Variants in BCAR3 observed in about 807,000 individuals in gnomAD.
BCAR3 encodes the protein breast cancer anti-estrogen resistance protein 3.
A neutral mutation model predicts 80.1 loss-of-function variants in BCAR3; 37 were observed. The observed-to-expected ratio is 0.46, with a 90% CI of 0.36 to 0.61. The LOEUF is 0.61. Ranked by LOEUF, BCAR3 falls within the 20% of genes least tolerant of loss-of-function variation. The pLI is 0.00. For synonymous variants in BCAR3, 389 were observed against 418.9 expected (o/e 0.93, Z 0.87); for missense variants, 978 against 1,068.2 (o/e 0.92, Z 1.18).
intron 2 of BCAR3, among the ~76,000 whole-genome samples, chr1:93,781,620 C>T (rs902930598): frequency 2.6e-5 from 4 of 152,128 alleles, no homozygotes; most frequent in Non-Finnish European, 4.4e-5. Context: ...TGCCTGAGGT[C>T]GCACAACTAG....
At chr1:93,630,781 G>A (rs1675596014) in intron 3 of BCAR3, among the ~76,000 whole-genome samples, 1 of 152,138 alleles carries the variant, frequency 6.6e-6, no homozygotes, top group Non-Finnish European at 1.5e-5. Context: ...CCATATAGCT[G>A]GTATTTACTG....
intron 2 of BCAR3, among the ~76,000 whole-genome samples, chr1:93,670,819 A>G (rs1648165697): frequency 6.6e-6 from 1 of 152,208 alleles, no homozygotes; most frequent in African/African-American, 2.4e-5. Context: ...ATAATTATTC[A>G]TGTTATAATT....
At chr1:93,708,069 A>G (rs567210847) in intron 2 of BCAR3, among the ~76,000 whole-genome samples, 29 of 152,330 alleles carry the variant, frequency 1.9e-4, no homozygotes, top group African/African-American at 7.0e-4. Context: ...TCCTCTAGCC[A>G]TTGAGTCAGA....
rs116797661 is a variant in BCAR3, at chr1:93,586,687, T to C, written c.929+2290A>G. ...TCAACAGTGTAGGAGGGTTCCCTTTTCCCCACAATCCTCACCAGCATTTGT... is the reference window on the plus strand; with the variant it reads ...TCAACAGTGTAGGAGGGTTCCCTTTCCCCCACAATCCTCACCAGCATTTGT... On this transcript the variant is annotated intron_variant, in intron 5 of 11. Transcript: ENST00000260502. The surrounding 1 kb of genome is among the most constrained non-coding windows in gnomAD (Gnocchi z 4.2). 1.3e-5 allele frequency among the ~76,000 whole-genome samples: 2 copies of C among 152,234 alleles called. No homozygotes were observed. The highest frequency in any genetic ancestry group is 2.9e-5 in the Non-Finnish European group (2 of 68,040).
At chr1:93,816,822 T>C (rs887818612) in intron 2 of BCAR3, among the ~76,000 whole-genome samples, 2 of 151,934 alleles carry the variant, frequency 1.3e-5, no homozygotes, top group African/African-American at 4.8e-5. Flanking sequence ...TATTCAGGAA[T>C]GCAACAAAAA....
intron 3 of BCAR3, among the ~76,000 whole-genome samples, chr1:93,692,215 C>A (rs533631497): frequency 1.4e-4 from 22 of 152,302 alleles, no homozygotes; most frequent in Admixed American, 1.3e-4. Context: ...AAGAGGCTGT[C>A]AGTTTGGCCC....
chr1:93,671,328 CAT>C (rs1648194140), intron 2 of BCAR3, among the ~76,000 whole-genome samples: 1 of 152,100 alleles, frequency 6.6e-6, no homozygotes, highest in South Asian at 2.1e-4. Flanking sequence ...ACAAGCTAAA[CAT>C]ATTTTTTTGG....
chr1:93,845,052 A>G (rs900999250), intron 2 of BCAR3, among the ~76,000 whole-genome samples: 16 of 152,252 alleles, frequency 1.1e-4, no homozygotes, highest in African/African-American at 3.9e-4. Context: ...ATTCGTTTGA[A>G]TCATTAAGTG....
intron 3 of BCAR3, among the ~76,000 whole-genome samples, chr1:93,604,791 C>A (rs966009579): frequency 6.6e-6 from 1 of 152,202 alleles, no homozygotes; most frequent in South Asian, 2.1e-4. Context: ...GAATTCTAAG[C>A]TTGACAGAAT....
At chr1:93,604,630 T>A (rs1372179095) in intron 3 of BCAR3, among the ~76,000 whole-genome samples, 2 of 152,218 alleles carry the variant, frequency 1.3e-5, no homozygotes, top group African/African-American at 4.8e-5. Context: ...TTACCTTTGA[T>A]CCACAGTCAT....
intron 8 of BCAR3, 107 bp downstream of exon 8, chr1:93,575,893 CCTGAAGTACTGTTA>C: frequency 2.7e-6 from 2 of 748,172 alleles, no homozygotes; most frequent in South Asian, 3.6e-5. Flanking sequence ...GGCCATGCGC[CCTGAAGTACTGTTA>C]CCCCAGGGCT....
intron 2 of BCAR3, among the ~76,000 whole-genome samples, chr1:93,736,257 G>A (rs1475489258): frequency 2.0e-5 from 3 of 152,130 alleles, no homozygotes; most frequent in Admixed American, 1.3e-4. Context: ...GCGCGATCTC[G>A]GCTTACTGCA....
intron 2 of BCAR3, among the ~76,000 whole-genome samples, chr1:93,823,992 C>G (rs539452009): frequency 7.4e-6 from 1 of 134,450 alleles, no homozygotes; most frequent in East Asian, 2.9e-4. Context: ...GCCACCGCGC[C>G]TGGCCGAAAA....
chr1:93,650,321 G>A (rs549623988), intron 2 of BCAR3, among the ~76,000 whole-genome samples: 54 of 152,308 alleles, frequency 3.5e-4, no homozygotes, highest in Admixed American at 1.4e-3. Context: ...GGAGGCAGAG[G>A]TTGCAGTGAG....
intron 1 of BCAR3, chr1:93,847,061 G>T (rs1655242926): frequency 3.8e-6 from 1 of 262,238 alleles, no homozygotes; most frequent in South Asian, 3.5e-5. Context: ...GAGAGGGGTC[G>T]CCGCTTACGT....
chr1:93,666,324 C>T (rs1353108905), intron 2 of BCAR3, among the ~76,000 whole-genome samples: 1 of 152,194 alleles, frequency 6.6e-6, no homozygotes. Context: ...ATTTAACCTA[C>T]TATTTCAAAG....
At chr1:93,667,495 A>T (rs1191068490) in intron 2 of BCAR3, among the ~76,000 whole-genome samples, 1 of 152,200 alleles carries the variant, frequency 6.6e-6, no homozygotes, top group Non-Finnish European at 1.5e-5. Context: ...TATGAACTGA[A>T]ACCTCTGGAT....
chr1:93,695,959 A>G (rs940125317), intron 3 of BCAR3, among the ~76,000 whole-genome samples: 2 of 151,856 alleles, frequency 1.3e-5, no homozygotes, highest in South Asian at 4.2e-4. Context: ...GAAAATGGGC[A>G]TATCCAGGTC....
At chr1:93,727,863 T>C (rs1255235297) in intron 2 of BCAR3, among the ~76,000 whole-genome samples, 3 of 152,156 alleles carry the variant, frequency 2.0e-5, no homozygotes, top group Non-Finnish European at 4.4e-5. Flanking sequence ...GCAGATGTAA[T>C]GAAGTTAAGA....
Sources: allele counts gnomAD v4.1 joint callset (sites outside exome capture counted in the v4.1 genomes callset), GRCh38; gene constraint gnomAD v4.1.1; non-coding constraint Gnocchi (gnomAD v3.1); transcripts MANE v1.5; gene names NCBI Gene and HGNC (gene_info 2026-07-23, HGNC 2026-07-21).